The following PTPRK variants were observed in gnomAD, a reference collection of about 807,000 sequenced individuals.
The protein encoded by PTPRK is protein tyrosine phosphatase receptor type K.
In PTPRK, 75 loss-of-function variants were observed where a neutral mutation model predicts 178.0. That is an observed-to-expected ratio of 0.42 (90% CI 0.35 to 0.51). The LOEUF (loss-of-function observed/expected upper bound fraction) is 0.51, where lower values mean the gene tolerates loss of function less well. Among genes scored for constraint, PTPRK ranks in the 20% least tolerant of loss-of-function variants. PTPRK has a pLI of 0.02. For missense variants in PTPRK, 1,441 were observed against 1,797.8 expected (o/e 0.80, Z 3.59); for synonymous variants, 637 against 620.6 (o/e 1.03, Z -0.39).
chr6:128,380,910 C>T (rs1837815527), intron 2 of PTPRK, among the ~76,000 whole-genome samples: 1 of 152,184 alleles, frequency 6.6e-6, no homozygotes, highest in Non-Finnish European at 1.5e-5. Flanking sequence ...ACAAGTTCTA[C>T]TGTAAGCCAT....
intron 19 of PTPRK, among the ~76,000 whole-genome samples, chr6:127,992,271 A>T (rs1245484492): frequency 1.3e-5 from 2 of 151,758 alleles, no homozygotes; most frequent in African/African-American, 4.8e-5. Flanking sequence ...GCTCAGTATA[A>T]CAGCTCATTA....
At chr6:128,386,617 T>C (rs1838772640) in intron 2 of PTPRK, among the ~76,000 whole-genome samples, 1 of 152,204 alleles carries the variant, frequency 6.6e-6, no homozygotes, top group Non-Finnish European at 1.5e-5. Context: ...TACTCTGAAG[T>C]AATAAAGGCT....
chr6:128,346,543 G>A (rs1242963283), intron 2 of PTPRK, among the ~76,000 whole-genome samples: 1 of 151,802 alleles, frequency 6.6e-6, no homozygotes, highest in African/African-American at 2.4e-5. Flanking sequence ...TTATTTTTTA[G>A]TTGCCTAACA....
intron 7 of PTPRK, among the ~76,000 whole-genome samples, chr6:128,151,730 AG>A (rs1345112185): frequency 6.6e-6 from 1 of 152,044 alleles, no homozygotes; most frequent in African/African-American, 2.4e-5. Context: ...AACTACTAGA[AG>A]GTTATTACAA....
intron 7 of PTPRK, among the ~76,000 whole-genome samples, chr6:128,145,276 G>A (rs1216294227): frequency 6.6e-6 from 1 of 151,242 alleles, no homozygotes; most frequent in African/African-American, 2.4e-5. Context: ...AGACACACAC[G>A]TAATAATAAT....
intron 3 of PTPRK, among the ~76,000 whole-genome samples, chr6:128,300,297 T>G (rs980364600): frequency 3.3e-5 from 5 of 152,076 alleles, no homozygotes; most frequent in African/African-American, 1.2e-4. Flanking sequence ...GTTCAACCCC[T>G]GTGGAAGTCA....
intron 6 of PTPRK, among the ~76,000 whole-genome samples, chr6:128,186,404 A>G (rs1193759763): frequency 1.3e-5 from 2 of 152,094 alleles, no homozygotes; most frequent in African/African-American, 2.4e-5. Flanking sequence ...CATGTTTAAA[A>G]CAAAAACAAA....
intron 2 of PTPRK, among the ~76,000 whole-genome samples, chr6:128,385,522 A>G (rs972718368): frequency 6.6e-6 from 1 of 152,232 alleles, no homozygotes; most frequent in Non-Finnish European, 1.5e-5. Flanking sequence ...AGCTGTTAAT[A>G]CAGTCATGTC....
chr6:128,130,726 A>C (rs543508580), intron 7 of PTPRK, among the ~76,000 whole-genome samples: 66 of 152,292 alleles, frequency 4.3e-4, no homozygotes, highest in African/African-American at 1.5e-3. Flanking sequence ...CTCAGGGACT[A>C]TTTGACCAGA....
At chr6:128,348,197 C>A (rs921699711) in intron 2 of PTPRK, among the ~76,000 whole-genome samples, 1 of 151,772 alleles carries the variant, frequency 6.6e-6, no homozygotes, top group Non-Finnish European at 1.5e-5. Flanking sequence ...ATATAAAACA[C>A]AAATAAATTT....
At chr6:128,412,118 T>C (rs1212348117) in intron 1 of PTPRK, among the ~76,000 whole-genome samples, 1 of 152,220 alleles carries the variant, frequency 6.6e-6, no homozygotes. Flanking sequence ...GATCTTAATT[T>C]ATTAGTGCTC....
intron 1 of PTPRK, among the ~76,000 whole-genome samples, chr6:128,435,042 A>AAGGC (rs1192223922): frequency 5.9e-5 from 6 of 102,534 alleles, no homozygotes; most frequent in Non-Finnish European, 9.8e-5. Context: ...GGAAGGCAGG[A>AAGGC]AGGCAGGAAG....
At chr6:128,000,569 A>G (rs1431884767) in intron 15 of PTPRK, among the ~76,000 whole-genome samples, 1 of 152,046 alleles carries the variant, frequency 6.6e-6, no homozygotes, top group Non-Finnish European at 1.5e-5. Context: ...AACATTGGCT[A>G]ACAAACATGA....
intron 3 of PTPRK, among the ~76,000 whole-genome samples, chr6:128,318,841 G>A (rs1325671322): frequency 1.3e-5 from 2 of 152,174 alleles, no homozygotes; most frequent in East Asian, 1.9e-4. Context: ...AAGGATTTGC[G>A]GGATTTTCCC....
intron 1 of PTPRK, among the ~76,000 whole-genome samples, chr6:128,479,648 T>C (rs1029262226): frequency 6.6e-6 from 1 of 152,132 alleles, no homozygotes; most frequent in Non-Finnish European, 1.5e-5. Context: ...GGATAGATGG[T>C]AAACCAGTAT....
At chr6:128,286,761 T>C (rs1822571948) in intron 3 of PTPRK, among the ~76,000 whole-genome samples, 1 of 152,198 alleles carries the variant, frequency 6.6e-6, no homozygotes, top group African/African-American at 2.4e-5. Context: ...GTGCACACTG[T>C]TATGTGTAAA....
chr6:128,186,165 T>C (rs1402511919), intron 6 of PTPRK, among the ~76,000 whole-genome samples: 9 of 152,098 alleles, frequency 5.9e-5, no homozygotes, highest in Non-Finnish European at 1.0e-4. Flanking sequence ...CCATATAACA[T>C]TGTAGGGGAG....
chr6:127,988,300 C>CTTTT (rs374249275), intron 21 of PTPRK, among the ~76,000 whole-genome samples: 14 of 117,670 alleles, frequency 1.2e-4, no homozygotes, highest in African/African-American at 3.0e-4. Flanking sequence ...TTATGCTAAC[C>CTTTT]TTTTTTTTTT....
At chr6:128,179,943 T>C (rs1801650317) in intron 7 of PTPRK, among the ~76,000 whole-genome samples, 1 of 152,108 alleles carries the variant, frequency 6.6e-6, no homozygotes, top group Non-Finnish European at 1.5e-5. Flanking sequence ...TCCTTTTCAC[T>C]GCTTCATAGA....
Sources: gnomAD v4.1 joint callset for allele counts (sites outside exome capture counted in the v4.1 genomes callset) on GRCh38, gnomAD v4.1.1 for gene constraint, MANE v1.5 for transcripts, NCBI Gene and HGNC (gene_info 2026-07-23, HGNC 2026-07-21) for gene names.